LRP5: variants seen among roughly 807,000 people sequenced by gnomAD.
LRP5 encodes the protein LDL receptor related protein 5.
A neutral mutation model predicts 154.1 loss-of-function variants in LRP5; 62 were observed. The observed-to-expected ratio is 0.40, with a 90% CI of 0.33 to 0.50. The LOEUF (loss-of-function observed/expected upper bound fraction) is 0.50. Ranked by LOEUF, LRP5 falls within the 20% of genes least tolerant of loss-of-function variation. The pLI is 0.55. For missense variants in LRP5, 1,915 were observed against 2,336.7 expected (o/e 0.82, Z 3.72); for synonymous variants, 966 against 1,011.5 (o/e 0.96, Z 0.85).
chr11:68,430,877 C>T (rs751534918), intron 17 of LRP5, among the ~76,000 whole-genome samples: 5 of 152,142 alleles, frequency 3.3e-5, no homozygotes, highest in Non-Finnish European at 5.9e-5. Context: ...AGTTGAGTGA[C>T]CCTGGCTGGT....
intron 2 of LRP5, among the ~76,000 whole-genome samples, chr11:68,354,578 C>T (rs1171946477): frequency 6.6e-6 from 1 of 152,226 alleles, no homozygotes; most frequent in Non-Finnish European, 1.5e-5. Flanking sequence ...GCGTCTGCCG[C>T]AGGCACGCGG....
intron 20 of LRP5, 86 bp downstream of exon 20, chr11:68,438,768 C>T (rs370792875): frequency 8.6e-7 from 1 of 1,165,766 alleles, no homozygotes; most frequent in Non-Finnish European, 1.2e-6. Context: ...GATGTGCTAC[C>T]CCAGGCCCTC....
chr11:68,443,373 C>A (rs1240711124), intron 21 of LRP5, among the ~76,000 whole-genome samples: 18 of 148,406 alleles, frequency 1.2e-4, no homozygotes, highest in African/African-American at 3.7e-4. Flanking sequence ...TATGGTGATC[C>A]CAGCTACTTG....
At chr11:68,308,347 G>A (rs1399569413), upstream of LRP5, among the ~76,000 whole-genome samples, 5 of 152,206 alleles carry the variant, frequency 3.3e-5, no homozygotes, top group East Asian at 1.9e-4. Flanking sequence ...AAGTGTCACC[G>A]GGCTGAAACG....
At chr11:68,327,651 A>G (rs1487161282) in intron 1 of LRP5, among the ~76,000 whole-genome samples, 2 of 152,124 alleles carry the variant, frequency 1.3e-5, no homozygotes, top group African/African-American at 2.4e-5. Context: ...TCCACCTCCT[A>G]TGAGGACTGA....
At chr11:68,393,438 T>C (rs986163855) in intron 7 of LRP5, among the ~76,000 whole-genome samples, 4 of 152,230 alleles carry the variant, frequency 2.6e-5, no homozygotes, top group African/African-American at 9.6e-5. Context: ...CCACCGGCAG[T>C]GTGTGAGGGT....
chr11:68,389,917 A>G lies in LRP5; in HGVS notation c.1449A>G (p.Lys483=). 6.2e-7 allele frequency: 1 copy of G among 1,614,212 alleles called. No homozygotes were observed. The highest frequency in any genetic ancestry group is 8.5e-7 in the Non-Finnish European group (1 of 1,180,026). The change falls in exon 7 of 23, where the codon AAA becomes AAG. Residue 483 remains lysine (K), a synonymous_variant. Coordinates refer to ENST00000294304, the MANE Select transcript of LRP5 (RefSeq NM_002335.4). Reference sequence around the variant, plus strand: ...GGACAGACTGGGGAGAGAACCCTAAAATCGAGTGTGCCAACTTGGATGGGC... The same window carrying G: ...GGACAGACTGGGGAGAGAACCCTAAGATCGAGTGTGCCAACTTGGATGGGC... The part of the protein sequence containing the change: ...MYWTDWGENP[K]IECANLDGQE...
Position 68,357,846 on chromosome 11 carries a change from C to A in LRP5, c.685C>A (p.Arg229=). ...CCGTGCCAACCTGGACGGCTCGTTCCGGTAGGTACCCACGCAGTCCTGGGG... is the reference window on the plus strand; with the variant it reads ...CCGTGCCAACCTGGACGGCTCGTTCAGGTAGGTACCCACGCAGTCCTGGGG... The part of the protein sequence containing the change: ...IHRANLDGSF[R]QKVVEGSLTH... The change falls in exon 3 of 23, where the codon CGG becomes AGG. Residue 229 remains arginine, a splice_region_variant and synonymous_variant. Coordinates refer to ENST00000294304, the MANE Select transcript of LRP5 (RefSeq NM_002335.4). The A allele has an allele frequency of 2.5e-6, 4 of 1,610,530 alleles. No homozygotes were observed. The East Asian group carries it at 9.0e-5, about 36-fold the overall frequency.
chr11:68,329,262 T>C (rs954316306), intron 1 of LRP5, among the ~76,000 whole-genome samples: 2 of 152,150 alleles, frequency 1.3e-5, no homozygotes, highest in Non-Finnish European at 2.9e-5. Flanking sequence ...ATAGCTAACA[T>C]TTGTTGTGTA....
At chr11:68,330,810 C>T (rs1306571583) in intron 1 of LRP5, among the ~76,000 whole-genome samples, 2 of 152,226 alleles carry the variant, frequency 1.3e-5, no homozygotes, top group African/African-American at 2.4e-5. Context: ...CACCCTGATG[C>T]GCATTAGCCT....
rs906703886 is a variant in LRP5 at position 68,312,697 on chromosome 11, G to C, written c.-18G>C. 20 of 1,007,230 alleles carry C rather than the reference G, an allele frequency of 2.0e-5. No individual in the cohort carries two copies. The highest frequency in any genetic ancestry group is 3.5e-5 in the African/African-American group (2 of 56,694). The allele number at this position is 1,007,230 out of a possible 1,614,324, so 62.4% of individuals were successfully genotyped here. The stretch of plus-strand genomic sequence containing the variant: ...GCCCGAGTGAGCGCGGCGCGGGCCC[G>C]TCCGGCCGCCGGACAACATGGAGGC... On this transcript the variant is annotated 5_prime_UTR_variant, in exon 1 of 23. Coordinates refer to ENST00000294304, the MANE Select transcript of LRP5 (RefSeq NM_002335.4).
At position 68,385,164 on chromosome 11, in the gene LRP5, T is replaced by G. The variant is rs538893754; in HGVS notation, c.1016-1152T>G. On this transcript the variant is annotated intron_variant, in intron 5 of 22. Transcript: ENST00000294304. ...ATTTGAGACCAGAATCACCTGAGCA[T>G]CCTCCTGTCCCCAGCTGTGTCCAGC... Among the ~76,000 whole-genome samples the G allele has an allele frequency of 2.0e-5, 3 of 152,288 alleles. No individual in the cohort carries two copies. The South Asian group carries it at 6.2e-4, about 32-fold the overall frequency.
At chr11:68,419,850 T>C (rs1205262958) in intron 13 of LRP5, among the ~76,000 whole-genome samples, 2 of 150,600 alleles carry the variant, frequency 1.3e-5, no homozygotes, top group Non-Finnish European at 3.0e-5. Flanking sequence ...CCTTTTTTTG[T>C]TTTTGAGACA....
intron 1 of LRP5, among the ~76,000 whole-genome samples, chr11:68,317,002 C>A (rs1374722696): frequency 6.6e-6 from 1 of 152,256 alleles, no homozygotes; most frequent in Non-Finnish European, 1.5e-5. Context: ...ACATCCAGGT[C>A]CTCGGCTTGG....
At chr11:68,422,482 C>A (rs1210095617) in intron 13 of LRP5, among the ~76,000 whole-genome samples, 1 of 152,196 alleles carries the variant, frequency 6.6e-6, no homozygotes, top group African/African-American at 2.4e-5. Context: ...TCCCCGCAGG[C>A]AGTAGGCTTC....
chr11:68,386,147 G>A lies in LRP5; in HGVS notation c.1016-169G>A, dbSNP rs1204293696. 6.6e-6 allele frequency among the ~76,000 whole-genome samples: 1 copy of A among 152,202 alleles called. No individual in the cohort carries two copies. On this transcript the variant is annotated intron_variant, in intron 5 of 22. Transcript: ENST00000294304. The surrounding 1 kb of genome is among the most constrained non-coding windows in gnomAD (Gnocchi z 7.9). ...TCCCAGAGGTGTCATGAGGATGAACGAGTGACCATGTAGCATGGGCTGGGT... is the reference window on the plus strand; with the variant it reads ...TCCCAGAGGTGTCATGAGGATGAACAAGTGACCATGTAGCATGGGCTGGGT...
chr11:68,374,164 G>A (rs2098636028), intron 5 of LRP5, among the ~76,000 whole-genome samples: 1 of 152,226 alleles, frequency 6.6e-6, no homozygotes, highest in African/African-American at 2.4e-5. Flanking sequence ...GGGGGCCACT[G>A]TCGAGTCTGA....
At chr11:68,424,272 G>GGGGC (rs1012612443) in intron 14 of LRP5, among the ~76,000 whole-genome samples, 64 of 152,240 alleles carry the variant, frequency 4.2e-4, no homozygotes, top group African/African-American at 1.4e-3. Flanking sequence ...AGATAGCTGG[G>GGGGC]GGGCTGGCAT....
At chr11:68,369,624 T>C (rs1195502943) in intron 5 of LRP5, among the ~76,000 whole-genome samples, 4 of 152,040 alleles carry the variant, frequency 2.6e-5, no homozygotes, top group African/African-American at 7.2e-5. Context: ...AATACAAAAA[T>C]TAGCCGGGCG....
Sources: allele counts gnomAD v4.1 joint callset (sites outside exome capture counted in the v4.1 genomes callset), GRCh38; gene constraint gnomAD v4.1.1; non-coding constraint Gnocchi (gnomAD v3.1); transcripts MANE v1.5; gene names NCBI Gene and HGNC (gene_info 2026-07-23, HGNC 2026-07-21).